DOCK9: variants seen among roughly 807,000 people sequenced by gnomAD.
The protein encoded by DOCK9 is dedicator of cytokinesis 9.
In DOCK9, 89 loss-of-function variants were observed where a neutral mutation model predicts 263.3. The ratio of observed to expected loss-of-function variants is 0.34; its 90% CI spans 0.28 to 0.40. DOCK9 has a LOEUF of 0.40. Ranked by LOEUF, DOCK9 falls within the 10% of genes least tolerant of loss-of-function variation. The pLI, the probability that DOCK9 is intolerant of heterozygous loss-of-function variation, is 1.00. For missense variants in DOCK9, 2,140 were observed against 2,603.4 expected, an observed-to-expected ratio of 0.82 and a Z score of 3.87; for synonymous variants, 976 against 973.1, an observed-to-expected ratio of 1.00 and a Z score of -0.06.
chr13:98,861,789 C>T (rs2093878762), intron 32 of DOCK9, among the ~76,000 whole-genome samples: 1 of 152,150 alleles, frequency 6.6e-6, no homozygotes, highest in African/African-American at 2.4e-5. Flanking sequence ...TCTATCTACT[C>T]AATTTCCAAT....
At chr13:99,035,375 G>T (rs1887765873) in intron 1 of DOCK9, among the ~76,000 whole-genome samples, 1 of 152,240 alleles carries the variant, frequency 6.6e-6, no homozygotes, top group East Asian at 1.9e-4. Context: ...TGGGCCTCTG[G>T]CTACCCAGCC....
chr13:98,999,722 T>C (rs1451383774), intron 1 of DOCK9, among the ~76,000 whole-genome samples: 2 of 152,250 alleles, frequency 1.3e-5, no homozygotes, highest in African/African-American at 2.4e-5. Context: ...TGCCTTTGGA[T>C]GGTGTCCAGC....
At chr13:98,911,981 T>C (rs1485739692) in intron 9 of DOCK9, among the ~76,000 whole-genome samples, 1 of 151,696 alleles carries the variant, frequency 6.6e-6, no homozygotes, top group Non-Finnish European at 1.5e-5. Flanking sequence ...ATGATTCTCC[T>C]GCCTCAGCCT....
chr13:98,798,146 G>T (rs7326276), intron 50 of DOCK9, among the ~76,000 whole-genome samples: 49,299 of 152,042 alleles, frequency 0.32, 8,301 homozygotes, highest in Admixed American at 0.35. Context: ...GGAAAGGTAA[G>T]AACGTGGTGA....
In DOCK9 at chr13:98,804,992, C is replaced by T. The variant is rs780633420; in HGVS notation, c.5725+7G>A. On this transcript the variant is annotated splice_region_variant and intron_variant, in intron 49 of 52. Transcript: ENST00000682017. ...GCTCGTGTCCATGCGGCTTCTGGGG[C>T]CCATACCTGTCAGGATGGTGCGCCG... 1.9e-6 allele frequency: 3 copies of T among 1,592,020 alleles called. No individual in the cohort carries two copies. Among genetic ancestry groups the T allele is most frequent in the Non-Finnish European group, 2.6e-6 (3 of 1,169,580 alleles).
chr13:98,915,918 C>G (rs959409489), intron 7 of DOCK9, among the ~76,000 whole-genome samples: 1 of 152,016 alleles, frequency 6.6e-6, no homozygotes, highest in African/African-American at 2.4e-5. Context: ...ATTTCTTCAG[C>G]TCCTATTTTT....
chr13:98,949,337 G>A (rs551519064), intron 2 of DOCK9, among the ~76,000 whole-genome samples: 21 of 152,274 alleles, frequency 1.4e-4, no homozygotes, highest in African/African-American at 4.8e-4. Context: ...GGAACCTCCA[G>A]ACTCAATTAT....
chr13:99,032,737 C>A (rs879737230), intron 1 of DOCK9, among the ~76,000 whole-genome samples: 77 of 151,948 alleles, frequency 5.1e-4, no homozygotes, highest in Admixed American at 1.8e-3. Context: ...ACTTGAAATA[C>A]AAAATCTGTA....
At chr13:98,831,861 G>T in intron 39 of DOCK9, 75 bp from the exon 40 acceptor site, 1 of 1,531,878 alleles carries the variant, frequency 6.5e-7, no homozygotes. Context: ...TCAGGCTCAA[G>T]AATTACATTT....
intron 1 of DOCK9, among the ~76,000 whole-genome samples, chr13:99,061,854 CTTTTTGT>C (rs2041206300): frequency 6.6e-6 from 1 of 150,634 alleles, no homozygotes; most frequent in African/African-American, 2.4e-5. Flanking sequence ...GAGGAAAAAG[CTTTTTGT>C]TTTTTGTTTT....
intron 15 of DOCK9, among the ~76,000 whole-genome samples, chr13:98,894,957 CAA>C (rs71114557): frequency 0.031 from 2,289 of 73,304 alleles, 13 homozygotes; most frequent in Middle Eastern, 0.095. Flanking sequence ...TACTAAAATA[CAA>C]AAAAAAAAAA....
intron 5 of DOCK9, 85 bp from the exon 6 acceptor site, chr13:98,922,231 T>G: frequency 1.0e-6 from 1 of 981,082 alleles, no homozygotes; most frequent in Non-Finnish European, 1.6e-6. Context: ...GGAAGGTCAT[T>G]CCCTTTGTGC....
At chr13:98,968,961 A>G (rs1157793686) in intron 1 of DOCK9, among the ~76,000 whole-genome samples, 1 of 152,176 alleles carries the variant, frequency 6.6e-6, no homozygotes, top group East Asian at 1.9e-4. Context: ...GATATAATCA[A>G]TTTACTGAGA....
intron 45 of DOCK9, among the ~76,000 whole-genome samples, chr13:98,815,491 G>GT (rs910197760): frequency 1.3e-5 from 2 of 151,910 alleles, no homozygotes; most frequent in South Asian, 2.1e-4. Context: ...TGTTTGTTTT[G>GT]TTTTTTTGAG....
intron 29 of DOCK9, 71 bp downstream of exon 29, chr13:98,867,857 A>T: frequency 6.6e-6 from 9 of 1,367,704 alleles, no homozygotes; most frequent in Non-Finnish European, 8.0e-6. Context: ...AAAAAAAAAA[A>T]GGAAAAAGAT....
intron 45 of DOCK9, among the ~76,000 whole-genome samples, chr13:98,818,160 A>T (rs926011376): frequency 2.0e-5 from 3 of 152,266 alleles, no homozygotes; most frequent in Admixed American, 2.0e-4. Context: ...GGATTACTGA[A>T]CATTAAATCC....
chr13:99,071,306 C>CCTTTTTT (rs1286343497), intron 1 of DOCK9, among the ~76,000 whole-genome samples: 6 of 49,320 alleles, frequency 1.2e-4, no homozygotes, highest in South Asian at 9.0e-4. Flanking sequence ...CCATGCCTGG[C>CCTTTTTT]TTTTTTTTTT....
intron 39 of DOCK9, among the ~76,000 whole-genome samples, chr13:98,835,771 T>C (rs1449396113): frequency 7.0e-6 from 1 of 143,040 alleles, no homozygotes; most frequent in Admixed American, 7.2e-5. Context: ...GACGAAGTCT[T>C]GCTCTGTTGC....
chr13:99,045,666 G>GA (rs1888911225), intron 1 of DOCK9, among the ~76,000 whole-genome samples: 2 of 152,120 alleles, frequency 1.3e-5, no homozygotes, highest in African/African-American at 2.4e-5. Context: ...TACTTAGCTT[G>GA]ATTGAACCAT....
Sources: gnomAD v4.1 joint callset for allele counts (sites outside exome capture counted in the v4.1 genomes callset) on GRCh38, gnomAD v4.1.1 for gene constraint, MANE v1.5 for transcripts, NCBI Gene and HGNC (gene_info 2026-07-23, HGNC 2026-07-21) for gene names.